Variants in SLC4A10 observed in about 807,000 individuals in gnomAD.
SLC4A10 encodes sodium-driven chloride bicarbonate exchanger.
SLC4A10 carries 42 observed loss-of-function variants against 137.7 expected under a neutral mutation model. That is an observed-to-expected ratio of 0.30 (90% CI 0.24 to 0.39). The LOEUF (loss-of-function observed/expected upper bound fraction) is 0.39. Among genes scored for constraint, SLC4A10 ranks in the 10% least tolerant of loss-of-function variants. SLC4A10 has a pLI of 1.00. For missense variants in SLC4A10, 925 were observed against 1,355.0 expected, an observed-to-expected ratio of 0.68 and a Z score of 4.98; for synonymous variants, 474 against 464.1, an observed-to-expected ratio of 1.02 and a Z score of -0.27.
intron 1 of SLC4A10, among the ~76,000 whole-genome samples, chr2:161,698,057 C>G (rs1297733390): frequency 6.6e-6 from 1 of 152,094 alleles, no homozygotes; most frequent in Non-Finnish European, 1.5e-5. Context: ...GTATTTTATT[C>G]TCTTTGAAGC....
In SLC4A10 at chr2:161,879,294, A is replaced by G; in HGVS notation, c.1106+6A>G. ...GAAGTCCCAATCCCAACCAGGTAAA[A>G]AGTATAAAAGCGTCTTTTGTATTTT... On this transcript the variant is annotated splice_donor_region_variant and intron_variant, in intron 9 of 26. Transcript: ENST00000446997. 6.3e-7 allele frequency: 1 copy of G among 1,598,062 alleles called. No individual in the cohort carries two copies.
intron 4 of SLC4A10, among the ~76,000 whole-genome samples, chr2:161,843,174 G>A (rs1311807742): frequency 6.6e-6 from 1 of 152,110 alleles, no homozygotes; most frequent in East Asian, 1.9e-4. Context: ...ATCAAATAGT[G>A]ACCCATTCAT....
At chr2:161,777,949 T>C (rs931828394) in intron 2 of SLC4A10, among the ~76,000 whole-genome samples, 1 of 152,014 alleles carries the variant, frequency 6.6e-6, no homozygotes, top group African/African-American at 2.4e-5. Context: ...TCTCTTTGTT[T>C]CTTAACATTA....
intron 15 of SLC4A10, among the ~76,000 whole-genome samples, chr2:161,928,583 A>C (rs191072749): frequency 0.015 from 2,201 of 149,638 alleles, 48 homozygotes; most frequent in African/African-American, 0.051. Context: ...AAAAAAAAAA[A>C]CAAACTTCTC....
chr2:161,865,694 A>G (rs1252511764), intron 6 of SLC4A10, among the ~76,000 whole-genome samples: 1 of 151,988 alleles, frequency 6.6e-6, no homozygotes, highest in Non-Finnish European at 1.5e-5. Flanking sequence ...CCTACCCAAA[A>G]GTGAAAAAAA....
At chr2:161,724,885 T>G (rs570077546) in intron 1 of SLC4A10, among the ~76,000 whole-genome samples, 1 of 152,338 alleles carries the variant, frequency 6.6e-6, no homozygotes, top group Non-Finnish European at 1.5e-5. Flanking sequence ...TTCCAGGATT[T>G]ACCTTAGTTG....
At chr2:161,912,133 G>A (rs1268538731) in intron 15 of SLC4A10, among the ~76,000 whole-genome samples, 1 of 152,078 alleles carries the variant, frequency 6.6e-6, no homozygotes, top group African/African-American at 2.4e-5. Context: ...CCTACAGAGA[G>A]CTAAGGGATT....
chr2:161,972,509 C>A (rs1171962306), intron 23 of SLC4A10, among the ~76,000 whole-genome samples: 1 of 151,956 alleles, frequency 6.6e-6, no homozygotes, highest in Non-Finnish European at 1.5e-5. Flanking sequence ...TGATTTAGTT[C>A]TAATAGTGTG....
chr2:161,701,411 C>A (rs935522531), intron 1 of SLC4A10, among the ~76,000 whole-genome samples: 14 of 151,838 alleles, frequency 9.2e-5, no homozygotes, highest in African/African-American at 3.4e-4. Flanking sequence ...TCACTGCACA[C>A]TATTTATTTT....
At chr2:161,701,474 T>C (rs906538735) in intron 1 of SLC4A10, among the ~76,000 whole-genome samples, 6 of 152,088 alleles carry the variant, frequency 3.9e-5, no homozygotes, top group South Asian at 2.1e-4. Flanking sequence ...GTACATAGTT[T>C]GGGATATATT....
chr2:161,911,542 CT>C (rs1685858695), intron 15 of SLC4A10, among the ~76,000 whole-genome samples: 1 of 152,112 alleles, frequency 6.6e-6, no homozygotes, highest in African/African-American at 2.4e-5. Context: ...CTGTTTCAAC[CT>C]TTTTAAATCA....
Position 161,672,828 on chromosome 2 carries a change from AT to A in SLC4A10, c.48+48267del, listed in dbSNP as rs540965533. On this transcript the variant is annotated intron_variant, in intron 1 of 26. Coordinates refer to ENST00000446997, the MANE Select transcript of SLC4A10 (RefSeq NM_001178015.2). ...TCTTCAAGTATAATGATGTGAATGG[AT>A]TTTTGATCTTTTTCATTTAATTGTG... Among the ~76,000 whole-genome samples the A allele has an allele frequency of 1.7e-4, 26 of 152,254 alleles. No individual in the cohort carries two copies. The South Asian group carries it at 5.0e-3, about 29-fold the overall frequency.
intron 15 of SLC4A10, among the ~76,000 whole-genome samples, chr2:161,929,387 C>G (rs1023064344): frequency 4.6e-5 from 7 of 152,216 alleles, no homozygotes; most frequent in Non-Finnish European, 8.8e-5. Flanking sequence ...AATTATAGGA[C>G]TATATCTATG....
intron 3 of SLC4A10, among the ~76,000 whole-genome samples, chr2:161,811,534 A>G (rs898465686): frequency 6.6e-6 from 1 of 152,066 alleles, no homozygotes; most frequent in Admixed American, 6.6e-5. Flanking sequence ...TGACTCAAGG[A>G]GACCTTCAAC....
intron 2 of SLC4A10, among the ~76,000 whole-genome samples, chr2:161,802,979 C>T (rs1278144793): frequency 6.6e-6 from 1 of 152,072 alleles, no homozygotes; most frequent in African/African-American, 2.4e-5. Context: ...GGACATAAGC[C>T]TTCATCCACA....
At chr2:161,947,349 G>A in intron 16 of SLC4A10, among the ~76,000 whole-genome samples, 1 of 151,964 alleles carries the variant, frequency 6.6e-6, no homozygotes, top group Admixed American at 6.6e-5. Context: ...TTAAAAAGCA[G>A]TTCATGTTCA....
At chr2:161,978,526 G>C (rs1699764195) in intron 26 of SLC4A10, among the ~76,000 whole-genome samples, 1 of 152,098 alleles carries the variant, frequency 6.6e-6, no homozygotes, top group Non-Finnish European at 1.5e-5. Flanking sequence ...TGGAAACATG[G>C]GCAAGAGAAA....
intron 1 of SLC4A10, among the ~76,000 whole-genome samples, chr2:161,660,632 C>CTTT (rs2038235123): frequency 7.0e-6 from 1 of 142,040 alleles, no homozygotes. Flanking sequence ...TTCTTCCTTT[C>CTTT]CTTCTTTCCT....
intron 1 of SLC4A10, among the ~76,000 whole-genome samples, chr2:161,696,919 C>T (rs1365585353): frequency 2.0e-5 from 3 of 152,148 alleles, no homozygotes; most frequent in African/African-American, 4.8e-5. Flanking sequence ...TACAGTTCCA[C>T]CAACAGTGTA....
Sources: allele counts gnomAD v4.1 joint callset (sites outside exome capture counted in the v4.1 genomes callset), GRCh38; gene constraint gnomAD v4.1.1; transcripts MANE v1.5; gene names NCBI Gene and HGNC (gene_info 2026-07-23, HGNC 2026-07-21).